The following CCDC88C variants were observed in gnomAD, a reference collection of about 807,000 sequenced individuals.
CCDC88C encodes the protein coiled-coil and HOOK domain protein 88C.
Under a neutral mutation model 198.8 loss-of-function variants are expected in CCDC88C, and 131 were observed. The ratio of observed to expected loss-of-function variants is 0.66; its 90% CI spans 0.57 to 0.76. The LOEUF (loss-of-function observed/expected upper bound fraction) is 0.76, where lower values mean the gene tolerates loss of function less well. CCDC88C is among the 30% of genes least tolerant of loss of function. The pLI is 0.00. For synonymous variants in CCDC88C, 1,166 were observed against 1,114.7 expected, an observed-to-expected ratio of 1.05 and a Z score of -0.92; for missense variants, 2,553 against 2,631.6, an observed-to-expected ratio of 0.97 and a Z score of 0.65.
At position 91,326,040 on chromosome 14, in the gene CCDC88C, T is replaced by C. The variant is rs1892571104; in HGVS notation, c.1067A>G (p.Asn356Ser). The C allele has an allele frequency of 1.9e-6, 3 of 1,609,458 alleles. No individual in the cohort carries two copies. Among genetic ancestry groups the C allele is most frequent in the Admixed American group, 1.7e-5 (1 of 59,398 alleles). Reference protein sequence around the residue: ...KARMEELREDNIILIETKAML... With the variant: ...KARMEELREDSIILIETKAML... ...GGCCTTGGTTTCAATTAAAATGATA[T>C]TATCTTCTCTCAGCTCCTGGTTAGC... Residue 356 changes from asparagine to serine, a missense_variant, in exon 11 of 30, where the codon AAT (asparagine) becomes AGT (serine). Around this residue, in one of 2 missense-constraint regions of CCDC88C, gnomAD observed 1,260 missense variants for 1,412.0 expected, o/e 0.89. Coordinates refer to ENST00000389857, the MANE Select transcript of CCDC88C (RefSeq NM_001080414.4).
intron 28 of CCDC88C, 40 bp downstream of exon 28, chr14:91,279,198 C>T: frequency 6.5e-7 from 1 of 1,539,090 alleles, no homozygotes; most frequent in Non-Finnish European, 8.8e-7. Flanking sequence ...GTGCCTGGCC[C>T]AAATCAATTT....
chr14:91,332,346 C>G (rs11627496), intron 10 of CCDC88C, among the ~76,000 whole-genome samples: 1 of 152,090 alleles, frequency 6.6e-6, no homozygotes, highest in East Asian at 1.9e-4. Flanking sequence ...CCCGCCCGCA[C>G]GCTTCCTCCT....
intron 3 of CCDC88C, among the ~76,000 whole-genome samples, chr14:91,405,956 A>G (rs2140009163): frequency 6.6e-6 from 1 of 152,322 alleles, no homozygotes; most frequent in South Asian, 2.1e-4. Context: ...AGCTGGGCCG[A>G]GACTGCCAGC....
At position 91,338,391 on chromosome 14, in the gene CCDC88C, A is replaced by T; in HGVS notation, c.891+98T>A. 1 of 1,140,590 alleles carries T rather than the reference A, an allele frequency of 8.8e-7. No homozygotes were observed. The highest frequency in any genetic ancestry group is 1.3e-6 in the Non-Finnish European group (1 of 777,830). The allele number at this position is 1,140,590 out of a possible 1,614,324, so 70.7% of individuals were successfully genotyped here. ...AGGACAAGTGGCTCTTGTGTGGCTT[A>T]AAAGCGCTGCTGTTGAGCTCCTGAC... On this transcript the variant is annotated intron_variant, in intron 9 of 29. Transcript: ENST00000389857. The surrounding 1 kb of genome is among the most constrained non-coding windows in gnomAD (Gnocchi z 4.8).
chr14:91,344,190 C>T lies in CCDC88C; in HGVS notation c.341-533G>A, dbSNP rs138053319. ...TGAAGCCCCTTCCATTCAAATATGT[C>T]GTAAGTATCTCCCCATGATAATTAA... On this transcript the variant is annotated intron_variant, in intron 4 of 29. Transcript: ENST00000389857. Among the ~76,000 whole-genome samples the T allele has an allele frequency of 3.0e-3, 463 of 152,254 alleles. 6 individuals are homozygous for T. The highest frequency in any genetic ancestry group is 0.01 in the African/African-American group (436 of 41,554).
intron 10 of CCDC88C, among the ~76,000 whole-genome samples, chr14:91,328,963 T>C (rs1455413994): frequency 6.6e-6 from 1 of 152,188 alleles, no homozygotes; most frequent in Non-Finnish European, 1.5e-5. Context: ...CAGGGAGCTC[T>C]GTAGCAACCA....
chr14:91,300,375 T>C (rs979143898), intron 20 of CCDC88C, among the ~76,000 whole-genome samples: 1 of 152,238 alleles, frequency 6.6e-6, no homozygotes, highest in African/African-American at 2.4e-5. Context: ...ATGTGATGAC[T>C]ACATTTTCTG....
At chr14:91,342,206 T>A (rs949343382) in intron 6 of CCDC88C, 174 bp downstream of exon 6, 1 of 433,374 alleles carries the variant, frequency 2.3e-6, no homozygotes, top group African/African-American at 2.0e-5. Context: ...GGCTGATTGA[T>A]GGCTATCTTT....
chr14:91,377,885 C>T (rs1402083981), intron 3 of CCDC88C, among the ~76,000 whole-genome samples: 2 of 152,086 alleles, frequency 1.3e-5, no homozygotes, highest in African/African-American at 4.8e-5. Flanking sequence ...AAGGGAGGCG[C>T]GCTGCCTCCT....
chr14:91,410,436 T>C (rs1447443404), intron 2 of CCDC88C, among the ~76,000 whole-genome samples: 4 of 151,830 alleles, frequency 2.6e-5, no homozygotes, highest in Non-Finnish European at 4.4e-5. Flanking sequence ...TAGTAGAAAA[T>C]TGACAAAGGA....
intron 10 of CCDC88C, among the ~76,000 whole-genome samples, chr14:91,336,260 G>A (rs1893036058): frequency 6.6e-6 from 1 of 152,202 alleles, no homozygotes; most frequent in Non-Finnish European, 1.5e-5. Context: ...TCCTGGTGCA[G>A]CGCTCAGTTA....
chr14:91,346,841 G>T (rs140448397), intron 4 of CCDC88C, among the ~76,000 whole-genome samples: 1 of 152,302 alleles, frequency 6.6e-6, no homozygotes, highest in African/African-American at 2.4e-5. Flanking sequence ...GGAGGTTGCA[G>T]TGAGCTGAAA....
intron 10 of CCDC88C, among the ~76,000 whole-genome samples, chr14:91,331,093 G>A (rs1162020734): frequency 6.7e-6 from 1 of 148,506 alleles, no homozygotes; most frequent in African/African-American, 2.5e-5. Context: ...GGCAAGAGTG[G>A]CTTTGGTAAG....
rs1890512362 is a variant in CCDC88C at position 91,288,436 on chromosome 14, C to T, written c.4441+669G>A. On this transcript the variant is annotated intron_variant, in intron 25 of 29. Coordinates refer to ENST00000389857, the MANE Select transcript of CCDC88C (RefSeq NM_001080414.4). The surrounding 1 kb of genome is among the most constrained non-coding windows in gnomAD (Gnocchi z 4.2). ...CGGGAGGTCTTATATACATGGAGAA[C>T]GTGTTGAGTGCACCTGGGATCTCCC... Among the ~76,000 whole-genome samples, 1 of 152,188 alleles carries T rather than the reference C, an allele frequency of 6.6e-6. No individual in the cohort carries two copies. The highest frequency in any genetic ancestry group is 1.5e-5 in the Non-Finnish European group (1 of 68,030).
intron 3 of CCDC88C, among the ~76,000 whole-genome samples, chr14:91,382,012 C>T (rs569273488): frequency 4.6e-5 from 7 of 152,168 alleles, no homozygotes; most frequent in Admixed American, 3.3e-4. Flanking sequence ...AGGATAGGTT[C>T]TGTAATGTCA....
chr14:91,359,301 C>T (rs1218561981), intron 4 of CCDC88C, among the ~76,000 whole-genome samples: 1 of 151,872 alleles, frequency 6.6e-6, no homozygotes, highest in Non-Finnish European at 1.5e-5. Flanking sequence ...CCATGCCCAA[C>T]TAATTCTTTG....
At position 91,339,385 on chromosome 14, in the gene CCDC88C, G is replaced by A. The variant is rs188457701; in HGVS notation, c.702C>T (p.Ala234=). Residue 234 remains alanine (A), a synonymous_variant, in exon 8 of 30, where the codon GCC becomes GCT. Transcript: ENST00000389857. The surrounding 1 kb of genome is among the most constrained non-coding windows in gnomAD (Gnocchi z 5.8). ...HPPSPIKSSS[A]DSTPSPTSSL... is the part of the protein sequence containing the mutation. ...TGCTGGTGGGGCTGGGAGTGGAGTC[G>A]GCGCTGGAGGACTTGATGGGGCTGG... 1.8e-4 allele frequency: 283 copies of A among 1,613,542 alleles called. 2 individuals are homozygous for A. In the East Asian group the frequency reaches 5.1e-3, roughly 29 times the overall value.
chr14:91,353,774 G>C (rs1201249766), intron 4 of CCDC88C, among the ~76,000 whole-genome samples: 1 of 152,216 alleles, frequency 6.6e-6, no homozygotes, highest in Non-Finnish European at 1.5e-5. Flanking sequence ...AGAAAACATA[G>C]GACAGAGGGC....
At position 91,314,198 on chromosome 14, in the gene CCDC88C, T is replaced by C. The variant is rs1009737793; in HGVS notation, c.1666-48A>G. On this transcript the variant is annotated intron_variant, in intron 14 of 29. Transcript: ENST00000389857. ...CAACCCAGGCTGCTGCAGGAACCTA[T>C]TTCAGTGACATGGGCTCACACTGGG... The C allele has an allele frequency of 1.5e-5, 22 of 1,463,962 alleles. No homozygotes were observed. In the African/African-American group the frequency reaches 2.9e-4, roughly 19 times the overall value. The allele number at this position is 1,463,962 out of a possible 1,614,324, so 90.7% of individuals were successfully genotyped here.
Sources: allele counts gnomAD v4.1 joint callset (sites outside exome capture counted in the v4.1 genomes callset), GRCh38; gene constraint gnomAD v4.1.1; regional missense constraint gnomAD v4.1.1; non-coding constraint Gnocchi (gnomAD v3.1); transcripts MANE v1.5; gene names NCBI Gene and HGNC (gene_info 2026-07-23, HGNC 2026-07-21).